Variants in PRKACB observed in about 807,000 individuals in gnomAD.
PRKACB encodes protein kinase cAMP-activated catalytic subunit beta.
In PRKACB, 16 loss-of-function variants were observed where a neutral mutation model predicts 51.4. That is an observed-to-expected ratio of 0.31 (90% confidence interval 0.21 to 0.47). The LOEUF is 0.47. Ranked by LOEUF, PRKACB falls within the 20% of genes least tolerant of loss-of-function variation. PRKACB has a pLI of 1.00. For synonymous variants in PRKACB, 147 were observed against 154.4 expected (o/e 0.95, Z 0.35); for missense variants, 309 against 464.5 (o/e 0.67, Z 3.08).
chr1:84,086,180 G>A, intron 1 of PRKACB: 1 of 1,599,160 alleles, frequency 6.3e-7, no homozygotes, highest in East Asian at 2.2e-5. Flanking sequence ...CAAGTTTGTG[G>A]GCATCAAAGA....
chr1:84,085,896 A>AT (rs1359633549), intron 1 of PRKACB: 1 of 642,940 alleles, frequency 1.6e-6, no homozygotes, highest in Non-Finnish European at 2.9e-6. Context: ...CCCAGACCAT[A>AT]TACACCACCA....
rs1446127501 is a variant in PRKACB at position 84,236,435 on chromosome 1, G to C, written c.*1130G>C. 1 of 152,566 alleles carries C rather than the reference G, an allele frequency of 6.6e-6. No individual in the cohort carries two copies. The highest frequency in any genetic ancestry group is 1.5e-5 in the Non-Finnish European group (1 of 68,010). The allele number at this position is 152,566 out of a possible 1,614,324, so 9.5% of individuals were successfully genotyped here. ...GTGGTGTACTATATTTGTGAGCCTA[G>C]GGTAGGGGCACTGCTGCAACTTCTG... On this transcript the variant is annotated 3_prime_UTR_variant, in exon 10 of 10. Transcript: ENST00000370685.
chr1:84,091,656 C>T (rs978674408), intron 1 of PRKACB, among the ~76,000 whole-genome samples: 10 of 151,890 alleles, frequency 6.6e-5, no homozygotes, highest in Admixed American at 2.6e-4. Context: ...AGGTGTGTGC[C>T]GCCCTGCCTG....
chr1:84,092,398 C>T (rs1415623004), intron 1 of PRKACB, among the ~76,000 whole-genome samples: 4 of 152,106 alleles, frequency 2.6e-5, no homozygotes, highest in Non-Finnish European at 5.9e-5. Context: ...TATAGCAAAA[C>T]ATATTTTTTC....
At chr1:84,086,797 C>G (rs1557903512) in intron 1 of PRKACB, among the ~76,000 whole-genome samples, 1 of 152,192 alleles carries the variant, frequency 6.6e-6, no homozygotes, top group East Asian at 1.9e-4. Context: ...CCCCTCCCAG[C>G]TAGCCTCCCG....
At chr1:84,206,074 G>A (rs1671297722) in intron 8 of PRKACB, among the ~76,000 whole-genome samples, 1 of 152,062 alleles carries the variant, frequency 6.6e-6, no homozygotes, top group Admixed American at 6.6e-5. Flanking sequence ...TTATATTGCA[G>A]TCAAAAATTA....
chr1:84,181,182 T>C (rs1663327226), intron 2 of PRKACB, among the ~76,000 whole-genome samples: 1 of 151,940 alleles, frequency 6.6e-6, no homozygotes, highest in Non-Finnish European at 1.5e-5. Context: ...TGATTTGCAA[T>C]ACAGATAAAA....
intron 1 of PRKACB, among the ~76,000 whole-genome samples, chr1:84,156,437 A>G (rs1283529788): frequency 6.6e-6 from 1 of 152,186 alleles, no homozygotes; most frequent in African/African-American, 2.4e-5. Flanking sequence ...TAATGACAGG[A>G]TGATTCACTC....
At chr1:84,218,325 C>T (rs1433665247) in intron 9 of PRKACB, among the ~76,000 whole-genome samples, 1 of 152,172 alleles carries the variant, frequency 6.6e-6, no homozygotes, top group Non-Finnish European at 1.5e-5. Flanking sequence ...CACACACATC[C>T]TTCTCAGCCT....
At chr1:84,162,393 T>G (rs763721535) in intron 1 of PRKACB, among the ~76,000 whole-genome samples, 7 of 152,024 alleles carry the variant, frequency 4.6e-5, no homozygotes, top group Non-Finnish European at 8.8e-5. Flanking sequence ...CCTTTGTCTC[T>G]CTCCTTTTTT....
intron 9 of PRKACB, among the ~76,000 whole-genome samples, chr1:84,220,699 A>G (rs1203823237): frequency 1.3e-5 from 2 of 152,138 alleles, no homozygotes. Context: ...TGAGATGATC[A>G]TATGATTTTT....
chr1:84,104,843 T>G (rs983567221), intron 1 of PRKACB, among the ~76,000 whole-genome samples: 3 of 152,196 alleles, frequency 2.0e-5, no homozygotes, highest in Admixed American at 2.0e-4. Context: ...AACAAATTTA[T>G]TTAAACCTAC....
Position 84,236,760 on chromosome 1 carries a change from T to C in PRKACB, c.*1455T>C, listed in dbSNP as rs1195957679. On this transcript the variant is annotated 3_prime_UTR_variant, in exon 10 of 10. Coordinates refer to ENST00000370685, the MANE Select transcript of PRKACB (RefSeq NM_182948.4). ...GAGAATCCATGGCTTAACCCACTTGTTTTGCTATTTTTTTCTTTGCTTTTA... is the reference window on the plus strand; with the variant it reads ...GAGAATCCATGGCTTAACCCACTTGCTTTGCTATTTTTTTCTTTGCTTTTA... 6.6e-6 allele frequency: 1 copy of C among 152,604 alleles called. No homozygotes were observed. Among genetic ancestry groups the C allele is most frequent in the East Asian group, 1.9e-4 (1 of 5,200 alleles). The allele number at this position is 152,604 out of a possible 1,614,324, so 9.5% of individuals were successfully genotyped here.
chr1:84,147,595 CATAAT>C (rs1654278070), intron 1 of PRKACB, among the ~76,000 whole-genome samples: 2 of 151,774 alleles, frequency 1.3e-5, no homozygotes, highest in Admixed American at 1.3e-4. Context: ...GAAGAGCAAA[CATAAT>C]ATAATATTCA....
intron 9 of PRKACB, among the ~76,000 whole-genome samples, chr1:84,223,331 C>T (rs1483310308): frequency 1.4e-5 from 2 of 144,694 alleles, no homozygotes; most frequent in Admixed American, 6.9e-5. Context: ...TCATTGAATT[C>T]TTCAGTTCTG....
chr1:84,113,054 T>C (rs971786760), intron 1 of PRKACB, among the ~76,000 whole-genome samples: 5 of 152,200 alleles, frequency 3.3e-5, no homozygotes, highest in African/African-American at 1.2e-4. Context: ...AGGATATAAA[T>C]GGATAAATTA....
chr1:84,227,696 T>C (rs1410312125), intron 9 of PRKACB, among the ~76,000 whole-genome samples: 4 of 146,070 alleles, frequency 2.7e-5, no homozygotes, highest in Non-Finnish European at 4.5e-5. Flanking sequence ...ATACAGATTG[T>C]AGTAATGGAC....
At chr1:84,135,949 C>A (rs1652761670) in intron 1 of PRKACB, among the ~76,000 whole-genome samples, 1 of 151,266 alleles carries the variant, frequency 6.6e-6, no homozygotes. Context: ...ACAATAAATT[C>A]AACAAAACTA....
rs1668621960 is a variant in PRKACB at position 84,197,815 on chromosome 1, T to C, written c.774T>C (p.Ile258=). Residue 258 remains isoleucine, a synonymous_variant, in exon 7 of 10, where the codon ATT becomes ATC. Transcript: ENST00000370685. ...CAGAGTATTTGGCTCCAGAAATAAT[T>C]CTCAGCAAGGTATATTCATAATATC... is the stretch of plus-strand genomic sequence containing the variant. The part of the protein sequence containing the change: ...GTPEYLAPEI[I]LSKGYNKAVD... 1 of 1,600,790 alleles carries C rather than the reference T, an allele frequency of 6.2e-7. No individual in the cohort carries two copies. The highest frequency in any genetic ancestry group is 1.7e-4 in the Middle Eastern group (1 of 6,028).
Sources: gnomAD v4.1 joint callset for allele counts (sites outside exome capture counted in the v4.1 genomes callset) on GRCh38, gnomAD v4.1.1 for gene constraint, MANE v1.5 for transcripts, NCBI Gene and HGNC (gene_info 2026-07-23, HGNC 2026-07-21) for gene names.